SLMAP: variants seen among roughly 807,000 people sequenced by gnomAD.
SLMAP encodes the protein sarcolemmal membrane-associated protein.
A neutral mutation model predicts 128.8 loss-of-function variants in SLMAP; 44 were observed. The ratio of observed to expected loss-of-function variants is 0.34; its 90% confidence interval spans 0.27 to 0.44. SLMAP has a LOEUF of 0.44. Ranked by LOEUF, SLMAP falls within the 20% of genes least tolerant of loss-of-function variation. The pLI, the probability that SLMAP is intolerant of heterozygous loss-of-function variation, is 1.00. For synonymous variants in SLMAP, 327 were observed against 348.8 expected (o/e 0.94, Z 0.70); for missense variants, 787 against 985.3 (o/e 0.80, Z 2.69).
At chr3:57,909,916 T>C (rs1347787955) in intron 19 of SLMAP, among the ~76,000 whole-genome samples, 2 of 148,064 alleles carry the variant, frequency 1.4e-5, no homozygotes, top group African/African-American at 2.5e-5. Context: ...CTGGCCTATT[T>C]TTTTTTTTTT....
chr3:57,886,360 A>G lies in SLMAP; in HGVS notation c.1301-3681A>G, dbSNP rs541323500. Among the ~76,000 whole-genome samples the G allele has an allele frequency of 1.7e-4, 26 of 152,278 alleles. No homozygotes were observed. In the East Asian group the frequency reaches 2.9e-3, roughly 17 times the overall value. The stretch of plus-strand genomic sequence containing the variant: ...GTTATCTACCCACTTTGGCCTCCCA[A>G]TGTGCTGGGATTACAGGCATGAGCC... On this transcript the variant is annotated intron_variant, in intron 14 of 24. Coordinates refer to ENST00000671191, the MANE Select transcript of SLMAP (RefSeq NM_001377540.1).
intron 14 of SLMAP, among the ~76,000 whole-genome samples, chr3:57,885,382 G>C (rs574493868): frequency 2.7e-5 from 4 of 146,550 alleles, no homozygotes; most frequent in Non-Finnish European, 6.0e-5. Context: ...CTTGTTTGTT[G>C]TTGTTGTTGT....
At chr3:57,858,910 G>A (rs1158873870) in intron 8 of SLMAP, among the ~76,000 whole-genome samples, 1 of 151,930 alleles carries the variant, frequency 6.6e-6, no homozygotes, top group African/African-American at 2.4e-5. Context: ...CCATTGCAAT[G>A]TAGCCTGGGC....
intron 2 of SLMAP, among the ~76,000 whole-genome samples, chr3:57,783,420 T>C (rs1362920216): frequency 1.3e-5 from 2 of 152,180 alleles, no homozygotes; most frequent in Admixed American, 1.3e-4. Context: ...GTCCTTGCCC[T>C]AGGTCTTTAT....
At chr3:57,890,454 A>G (rs2096033305) in intron 15 of SLMAP, 2 of 182,066 alleles carry the variant, frequency 1.1e-5, no homozygotes, top group African/African-American at 4.7e-5. Flanking sequence ...CGTTTGTGAT[A>G]CAACTTAAGT....
chr3:57,862,181 G>C (rs1183341841), intron 10 of SLMAP, 95 bp downstream of exon 10: 2 of 983,358 alleles, frequency 2.0e-6, no homozygotes, highest in South Asian at 3.2e-5. Flanking sequence ...CTGGGCGTGG[G>C]GTGGCGGGCG....
At chr3:57,795,974 A>G (rs1220762043) in intron 2 of SLMAP, among the ~76,000 whole-genome samples, 1 of 152,146 alleles carries the variant, frequency 6.6e-6, no homozygotes, top group African/African-American at 2.4e-5. Context: ...AATTTTGATG[A>G]AGTCCAATTT....
chr3:57,771,413 T>G (rs1185864891), intron 2 of SLMAP, among the ~76,000 whole-genome samples: 1 of 152,186 alleles, frequency 6.6e-6, no homozygotes, highest in African/African-American at 2.4e-5. Context: ...AAATTTTTTA[T>G]AGAGATGGAA....
chr3:57,917,190 C>CA (rs1559558023), intron 22 of SLMAP, 113 bp downstream of exon 22: 1 of 1,551,836 alleles, frequency 6.4e-7, no homozygotes, highest in East Asian at 2.4e-5. Flanking sequence ...TTACCTGTCA[C>CA]AAAATTGATA....
At chr3:57,813,376 C>T (rs1255165511) in intron 2 of SLMAP, among the ~76,000 whole-genome samples, 2 of 152,064 alleles carry the variant, frequency 1.3e-5, no homozygotes, top group African/African-American at 2.4e-5. Flanking sequence ...GATTACAAGC[C>T]ACCATACCCT....
At chr3:57,884,375 C>T (rs958381356) in intron 14 of SLMAP, among the ~76,000 whole-genome samples, 3 of 152,136 alleles carry the variant, frequency 2.0e-5, no homozygotes, top group African/African-American at 7.2e-5. Flanking sequence ...ATGAGCATCT[C>T]ACTGGGGAAA....
intron 6 of SLMAP, among the ~76,000 whole-genome samples, chr3:57,854,480 C>T (rs180999383): frequency 6.6e-6 from 1 of 152,056 alleles, no homozygotes; most frequent in Admixed American, 6.6e-5. Flanking sequence ...CACCTGTAGT[C>T]CCAGCTGCTC....
chr3:57,853,991 A>G (rs1354935785), intron 6 of SLMAP, among the ~76,000 whole-genome samples: 2 of 111,084 alleles, frequency 1.8e-5, no homozygotes, highest in African/African-American at 3.5e-5. Flanking sequence ...ATATATATAT[A>G]TATATATATT....
At chr3:57,788,175 C>T (rs2084648771) in intron 2 of SLMAP, among the ~76,000 whole-genome samples, 1 of 152,150 alleles carries the variant, frequency 6.6e-6, no homozygotes, top group Admixed American at 6.5e-5. Flanking sequence ...TTTTGTGAAT[C>T]ATATAGGAGA....
chr3:57,869,630 T>TATATA (rs2095420048), intron 13 of SLMAP, among the ~76,000 whole-genome samples: 1 of 75,474 alleles, frequency 1.3e-5, no homozygotes, highest in Non-Finnish European at 2.5e-5. Context: ...CCCATCTCTA[T>TATATA]TATATATATA....
At chr3:57,762,336 TCCAG>T (rs1173742400) in intron 2 of SLMAP, among the ~76,000 whole-genome samples, 1 of 150,702 alleles carries the variant, frequency 6.6e-6, no homozygotes, top group Non-Finnish European at 1.5e-5. Flanking sequence ...GCCACTGCAC[TCCAG>T]CCTGGGTGAC....
At chr3:57,907,123 G>T (rs919132747) in intron 17 of SLMAP, among the ~76,000 whole-genome samples, 26 of 152,240 alleles carry the variant, frequency 1.7e-4, no homozygotes, top group Non-Finnish European at 3.7e-4. Context: ...TGCCTCTTGT[G>T]TTCAAGCAGT....
At chr3:57,906,903 A>G (rs80022065) in intron 17 of SLMAP, among the ~76,000 whole-genome samples, 3,966 of 151,958 alleles carry the variant, frequency 0.026, 183 homozygotes, top group African/African-American at 0.09. Flanking sequence ...AAGCAGAATG[A>G]TTGGAGAGGA....
intron 14 of SLMAP, among the ~76,000 whole-genome samples, chr3:57,888,885 GT>G (rs748770902): frequency 2.0e-5 from 3 of 149,906 alleles, no homozygotes; most frequent in Non-Finnish European, 3.0e-5. Flanking sequence ...GTTACTTTCT[GT>G]TTTTTTTTCT....
Sources: gnomAD v4.1 joint callset for allele counts (sites outside exome capture counted in the v4.1 genomes callset) on GRCh38, gnomAD v4.1.1 for gene constraint, MANE v1.5 for transcripts, NCBI Gene and HGNC (gene_info 2026-07-23, HGNC 2026-07-21) for gene names.